PLXNA4: variants seen among roughly 807,000 people sequenced by gnomAD.
The protein encoded by PLXNA4 is plexin A4, also known as plexin-A4.
Under a neutral mutation model 191.8 loss-of-function variants are expected in PLXNA4, and 44 were observed. The observed-to-expected ratio is 0.23, with a 90% confidence interval of 0.18 to 0.29. The LOEUF (loss-of-function observed/expected upper bound fraction) is 0.29, where lower values mean the gene tolerates loss of function less well. PLXNA4 is among the 10% of genes least tolerant of loss of function. The probability of loss-of-function intolerance (pLI) is 1.00; values close to 1 mark genes in which losing one functional copy is unlikely to be tolerated. For missense variants in PLXNA4, 1,800 were observed against 2,488.8 expected, an observed-to-expected ratio of 0.72 and a Z score of 5.89; for synonymous variants, 1,082 against 1,009.5, an observed-to-expected ratio of 1.07 and a Z score of -1.36.
intron 1 of PLXNA4, among the ~76,000 whole-genome samples, chr7:132,514,288 T>C (rs960813026): frequency 6.6e-6 from 1 of 151,828 alleles, no homozygotes; most frequent in African/African-American, 2.4e-5. Context: ...CCTGACCTCA[T>C]GATCCGCCCG....
intron 20 of PLXNA4, among the ~76,000 whole-genome samples, chr7:132,177,619 C>T (rs1213368863): frequency 6.6e-6 from 1 of 152,164 alleles, no homozygotes; most frequent in East Asian, 1.9e-4. Context: ...GGGTGCTCGG[C>T]CCACAGGGAG....
At chr7:132,365,365 G>GCGTGCGCGCA (rs1417205843) in intron 3 of PLXNA4, among the ~76,000 whole-genome samples, 8 of 109,706 alleles carry the variant, frequency 7.3e-5, no homozygotes, top group East Asian at 6.2e-4. Context: ...GTGTGTGCGT[G>GCGTGCGCGCA]CGCGCGCATG....
intron 5 of PLXNA4, among the ~76,000 whole-genome samples, chr7:132,234,378 T>A (rs1478134701): frequency 6.6e-6 from 1 of 152,164 alleles, no homozygotes; most frequent in Non-Finnish European, 1.5e-5. Flanking sequence ...TGTGGCCCAG[T>A]GCAGCATGAT....
intron 2 of PLXNA4, among the ~76,000 whole-genome samples, chr7:132,619,711 T>A (rs144310563): frequency 6.6e-6 from 1 of 152,274 alleles, no homozygotes; most frequent in South Asian, 2.1e-4. Flanking sequence ...TACTTGATTT[T>A]AGCTATTGAA....
chr7:132,239,745 T>A (rs7800591), intron 5 of PLXNA4, among the ~76,000 whole-genome samples: 7 of 152,242 alleles, frequency 4.6e-5, no homozygotes, highest in Non-Finnish European at 1.0e-4. Context: ...TCTGTTAGCA[T>A]GCAACCTTTC....
chr7:132,457,219 C>G (rs1283640319), intron 3 of PLXNA4, among the ~76,000 whole-genome samples: 1 of 152,128 alleles, frequency 6.6e-6, no homozygotes, highest in Non-Finnish European at 1.5e-5. Flanking sequence ...CAAACTGTAG[C>G]CTTATATTTG....
At chr7:132,612,999 G>A (rs935719599) in intron 2 of PLXNA4, among the ~76,000 whole-genome samples, 8 of 151,926 alleles carry the variant, frequency 5.3e-5, no homozygotes, top group African/African-American at 9.7e-5. Context: ...AAAAAAAAAC[G>A]GACTTAATCT....
chr7:132,281,850 T>C (rs1303353179), intron 4 of PLXNA4, among the ~76,000 whole-genome samples: 1 of 152,250 alleles, frequency 6.6e-6, no homozygotes, highest in Non-Finnish European at 1.5e-5. Flanking sequence ...CTCTGTGTTG[T>C]ACAAAAAATT....
intron 3 of PLXNA4, among the ~76,000 whole-genome samples, chr7:132,379,071 G>A (rs947802888): frequency 1.6e-4 from 25 of 151,998 alleles, no homozygotes; most frequent in African/African-American, 5.8e-4. Flanking sequence ...AACTGGTCTC[G>A]AACTCCTGAC....
intron 3 of PLXNA4, among the ~76,000 whole-genome samples, chr7:132,317,477 A>C (rs1801991095): frequency 6.6e-6 from 1 of 151,358 alleles, no homozygotes; most frequent in Admixed American, 6.6e-5. Flanking sequence ...ATTGGGTTGA[A>C]TTTGATTGGA....
At chr7:132,558,740 G>A (rs1426695888) in intron 1 of PLXNA4, among the ~76,000 whole-genome samples, 4 of 152,192 alleles carry the variant, frequency 2.6e-5, no homozygotes, top group East Asian at 1.9e-4. Flanking sequence ...CCAGTACCCC[G>A]CCTCTTTCGC....
chr7:132,317,932 G>C (rs541290949), intron 3 of PLXNA4, among the ~76,000 whole-genome samples: 1 of 152,208 alleles, frequency 6.6e-6, no homozygotes, highest in Admixed American at 6.5e-5. Flanking sequence ...AGCAAGGGTC[G>C]GGGCCAGGCA....
At position 132,123,911 on chromosome 7, in the gene PLXNA4, C is replaced by T. The variant is rs960586104; in HGVS notation, c.*6568G>A. 2.0e-5 allele frequency: 3 copies of T among 152,302 alleles called. No homozygotes were observed. Among genetic ancestry groups the T allele is most frequent in the African/African-American group, 7.2e-5 (3 of 41,474 alleles). The allele number at this position is 152,302 out of a possible 1,614,324, so 9.4% of individuals were successfully genotyped here. ...GCTGGGCCAAAACCCCTGCATCATCCCCACACGTCGGCTCGCTGAGCCATT... is the reference window on the plus strand; with the variant it reads ...GCTGGGCCAAAACCCCTGCATCATCTCCACACGTCGGCTCGCTGAGCCATT... On this transcript the variant is annotated 3_prime_UTR_variant, in exon 32 of 32. Coordinates refer to ENST00000321063, the MANE Select transcript of PLXNA4 (RefSeq NM_020911.2).
At chr7:132,318,971 T>G (rs1458230192) in intron 3 of PLXNA4, among the ~76,000 whole-genome samples, 1 of 152,118 alleles carries the variant, frequency 6.6e-6, no homozygotes, top group Non-Finnish European at 1.5e-5. Context: ...CTGTGACGCC[T>G]GGCCCCGCAG....
intron 4 of PLXNA4, among the ~76,000 whole-genome samples, chr7:132,261,429 G>A (rs1343060782): frequency 3.3e-5 from 5 of 152,196 alleles, no homozygotes; most frequent in East Asian, 3.9e-4. Context: ...AAGCACCAGC[G>A]CAATCCAGAT....
chr7:132,439,166 G>A (rs1340283220), intron 3 of PLXNA4, among the ~76,000 whole-genome samples: 9 of 152,150 alleles, frequency 5.9e-5, no homozygotes, highest in Non-Finnish European at 8.8e-5. Context: ...AGATCCAGCT[G>A]CCCTGACACT....
At chr7:132,646,471 A>G (rs1190667308) in intron 1 of PLXNA4, among the ~76,000 whole-genome samples, 1 of 152,100 alleles carries the variant, frequency 6.6e-6, no homozygotes, top group Non-Finnish European at 1.5e-5. Context: ...GTTTAGGTTT[A>G]GATACGGTCA....
chr7:132,527,632 T>C (rs563153590), intron 1 of PLXNA4, among the ~76,000 whole-genome samples: 3 of 148,350 alleles, frequency 2.0e-5, no homozygotes, highest in Non-Finnish European at 3.0e-5. Flanking sequence ...GAAAAATCAA[T>C]GACGCAAAGG....
At chr7:132,538,181 A>T (rs1799926934) in intron 1 of PLXNA4, among the ~76,000 whole-genome samples, 1 of 152,188 alleles carries the variant, frequency 6.6e-6, no homozygotes, top group Admixed American at 6.5e-5. Context: ...TTCCACGAGC[A>T]CCTGCACCAC....
Sources: allele counts gnomAD v4.1 joint callset (sites outside exome capture counted in the v4.1 genomes callset), GRCh38; gene constraint gnomAD v4.1.1; transcripts MANE v1.5; gene names NCBI Gene and HGNC (gene_info 2026-07-23, HGNC 2026-07-21).